The following SIGLEC12 variants were observed in gnomAD, a reference collection of about 807,000 sequenced individuals.
SIGLEC12 encodes the protein sialic acid binding Ig like lectin 12, also known as sialic acid-binding Ig-like lectin 12.
A neutral mutation model predicts 54.1 loss-of-function variants in SIGLEC12; 43 were observed. That is an observed-to-expected ratio of 0.80 (90% CI 0.62 to 1.03). SIGLEC12 has a LOEUF of 1.03. Among genes scored for constraint, SIGLEC12 ranks in the 50% least tolerant of loss-of-function variants. The pLI, the probability that SIGLEC12 is intolerant of heterozygous loss-of-function variation, is 0.00. For missense variants in SIGLEC12, 802 were observed against 735.2 expected (o/e 1.09, Z -1.05); for synonymous variants, 357 against 307.6 (o/e 1.16, Z -1.68).
chr19:51,494,473 G>A (rs1264781617), intron 7 of SIGLEC12, among the ~76,000 whole-genome samples: 1 of 152,240 alleles, frequency 6.6e-6, no homozygotes, highest in Non-Finnish European at 1.5e-5. Flanking sequence ...AAGCGTTGGT[G>A]AGGATGTGGA....
At chr19:51,497,861 C>T (rs1006814617) in intron 5 of SIGLEC12, among the ~76,000 whole-genome samples, 157 bp downstream of exon 5, 1 of 152,218 alleles carries the variant, frequency 6.6e-6, no homozygotes, top group African/African-American at 2.4e-5. Flanking sequence ...AGCTCCTCCC[C>T]TCCAAGATTA....
chr19:51,497,072 G>A (rs1990261402), intron 6 of SIGLEC12, 96 bp from the exon 7 acceptor site: 2 of 1,592,962 alleles, frequency 1.3e-6, no homozygotes, highest in South Asian at 1.1e-5. Context: ...GGGAGCTGGA[G>A]GGGTAACTGA....
intron 2 of SIGLEC12, 74 bp downstream of exon 2, chr19:51,499,845 TG>T (rs1447780426): frequency 1.3e-6 from 2 of 1,548,850 alleles, no homozygotes; most frequent in South Asian, 1.2e-5. Flanking sequence ...CCTCCCAGGA[TG>T]GGGGTCCCAC....
intron 7 of SIGLEC12, among the ~76,000 whole-genome samples, chr19:51,493,580 T>C (rs1990159446): frequency 6.6e-6 from 1 of 152,152 alleles, no homozygotes; most frequent in Admixed American, 6.5e-5. Flanking sequence ...TTGCACAATC[T>C]TTTCTGCCTC....
rs1007944151 is a variant in SIGLEC12, at chr19:51,498,145, C to T, written c.1278G>A (p.Ser426=). The T allele has an allele frequency of 9.3e-6, 15 of 1,614,230 alleles. No homozygotes were observed. Among genetic ancestry groups the T allele is most frequent in the East Asian group, 2.2e-5 (1 of 44,896 alleles). The change falls in exon 5 of 8, where the codon TCG becomes TCA. Residue 426 remains serine, a synonymous_variant. Transcript: ENST00000291707. Reference sequence around the variant, plus strand: ...GAGGCAGCTCCAGCACCCCAAGGTTCGAGGACTGTGAGGGGCTCAGGGTCA... The same window carrying T: ...GAGGCAGCTCCAGCACCCCAAGGTTTGAGGACTGTGAGGGGCTCAGGGTCA... ...GSLTLSPSQS[S]NLGVLELPRV... is the part of the protein sequence containing the mutation.
At position 51,493,122 on chromosome 19, in the gene SIGLEC12, T is replaced by C. The variant is rs1298950675; in HGVS notation, c.1600-1293A>G. On this transcript the variant is annotated intron_variant, in intron 7 of 7. Transcript: ENST00000291707. ...ACACACCACATCTCAGCACTGCTGT[T>C]ATCAAGGTCACCATGACCACTGCTT... Among the ~76,000 whole-genome samples, 4 of 152,342 alleles carry C rather than the reference T, an allele frequency of 2.6e-5. No individual in the cohort carries two copies. The South Asian group carries it at 8.3e-4, about 32-fold the overall frequency.
At chr19:51,496,419 C>G (rs375064043) in intron 7 of SIGLEC12, among the ~76,000 whole-genome samples, 5 of 152,156 alleles carry the variant, frequency 3.3e-5, no homozygotes, top group Admixed American at 6.5e-5. Flanking sequence ...GAGCTGAGAT[C>G]GCACCATCGC....
At position 51,491,482 on chromosome 19, in the gene SIGLEC12, GTT is replaced by G; in HGVS notation, c.*157_*158del. ...GACCGATTGGATGGAGAAAGGGAGA[GTT>G]TGGTCATCAGGCACGCATTTTCAGT... On this transcript the variant is annotated 3_prime_UTR_variant, in exon 8 of 8. Coordinates refer to ENST00000291707, the MANE Select transcript of SIGLEC12 (RefSeq NM_053003.4). 1.5e-6 allele frequency: 1 copy of G among 687,396 alleles called. No homozygotes were observed. The highest frequency in any genetic ancestry group is 2.4e-6 in the Non-Finnish European group (1 of 408,494). 42.6% of individuals were successfully genotyped at this position (687,396 alleles called of 1,614,324 possible). A position where few individuals can be genotyped will look rare whatever the true frequency, so the allele number is the denominator to read the frequency against.
chr19:51,496,750 G>T, intron 7 of SIGLEC12, 130 bp downstream of exon 7: 1 of 969,204 alleles, frequency 1.0e-6, no homozygotes, highest in Non-Finnish European at 1.6e-6. Context: ...GTTCTTAGGA[G>T]GAAAAAGTGG....
chr19:51,491,964 T>C (rs1990115821), intron 7 of SIGLEC12, 135 bp from the exon 8 acceptor site: 1 of 598,748 alleles, frequency 1.7e-6, no homozygotes, highest in Non-Finnish European at 2.8e-6. Flanking sequence ...CTTTAATACG[T>C]TCCTCTAATG....
chr19:51,499,689 A>G lies in SIGLEC12; in HGVS notation c.836T>C (p.Ile279Thr), dbSNP rs750077699. 1 of 1,614,078 alleles carries G rather than the reference A, an allele frequency of 6.2e-7. No individual in the cohort carries two copies. Among genetic ancestry groups the G allele is most frequent in the Non-Finnish European group, 8.5e-7 (1 of 1,179,992 alleles). Residue 279 changes from isoleucine to threonine, a missense_variant, in exon 3 of 8, where the codon ATC becomes ACC. By Grantham distance (89) the Ile-to-Thr change is moderately conservative. Transcript: ENST00000291707. ...GTGGCCAGACTCCAGGGTCCCCGGG[A>G]TGGAGAAGGTGGGCATGTGAGTCAG... Reference protein sequence around the residue: ...TALTHMPTFSIPGTLESGHPR... With the variant: ...TALTHMPTFSTPGTLESGHPR...
At position 51,491,800 on chromosome 19, in the gene SIGLEC12, G is replaced by A; in HGVS notation, c.1629C>T (p.Asp543=). The change falls in exon 8 of 8, where the codon GAC becomes GAT. Residue 543 remains aspartate, a synonymous_variant. Coordinates refer to ENST00000291707, the MANE Select transcript of SIGLEC12 (RefSeq NM_053003.4). ...CTGGCGGAGCATGGTGTGGGGGGCT[G>A]TCATCTGCCGGGGATTCAATCAGGG... ...QGPLIESPAD[D]SPPHHAPPAL... 1 of 1,586,598 alleles carries A rather than the reference G, an allele frequency of 6.3e-7. No individual in the cohort carries two copies. Among genetic ancestry groups the A allele is most frequent in the Non-Finnish European group, 8.6e-7 (1 of 1,167,072 alleles).
intron 7 of SIGLEC12, among the ~76,000 whole-genome samples, chr19:51,494,259 A>G (rs1337402348): frequency 6.6e-6 from 1 of 151,516 alleles, no homozygotes; most frequent in Non-Finnish European, 1.5e-5. Flanking sequence ...AAAAATTCTT[A>G]GAACTCAACA....
intron 1 of SIGLEC12, 178 bp from the exon 2 acceptor site, chr19:51,500,478 C>T: frequency 9.3e-7 from 1 of 1,076,884 alleles, no homozygotes; most frequent in Non-Finnish European, 1.4e-6. Context: ...GAGCTGGAGA[C>T]CTCAGCCCTG....
intron 7 of SIGLEC12, among the ~76,000 whole-genome samples, chr19:51,494,360 C>T (rs1009232720): frequency 6.6e-6 from 1 of 152,154 alleles, no homozygotes; most frequent in Non-Finnish European, 1.5e-5. Flanking sequence ...CATATGAAAA[C>T]ATCACTAATT....
intron 7 of SIGLEC12, among the ~76,000 whole-genome samples, chr19:51,496,256 G>T (rs1480232288): frequency 6.6e-6 from 1 of 152,212 alleles, no homozygotes; most frequent in South Asian, 2.1e-4. Context: ...ATCACCTGAG[G>T]TTGGGAGTTT....
Position 51,500,477 on chromosome 19 carries a change from A to G in SIGLEC12, c.428-177T>C, listed in dbSNP as rs550883760. 15 of 1,107,368 alleles carry G rather than the reference A, an allele frequency of 1.4e-5. No individual in the cohort carries two copies. In the African/African-American group the frequency reaches 2.2e-4, roughly 16 times the overall value. 68.6% of individuals were successfully genotyped at this position (1,107,368 alleles called of 1,614,324 possible). On this transcript the variant is annotated intron_variant, in intron 1 of 7. Transcript: ENST00000291707. ...ACAGGGGGCTGGAGAGGAGCTGGAG[A>G]CCTCAGCCCTGCATGGAAGAGAAAC... is the stretch of plus-strand genomic sequence containing the variant.
rs1198530005 is a variant in SIGLEC12 at position 51,497,410 on chromosome 19, C to A, written c.1441G>T (p.Ala481Ser). The A allele has an allele frequency of 2.5e-6, 4 of 1,613,148 alleles. No homozygotes were observed. Among genetic ancestry groups the A allele is most frequent in the Admixed American group, 3.3e-5 (2 of 59,988 alleles). ...MRPISGVTLG[A>S]FGGAGATALV... ...GCTGTGGCTCCAGCTCCCCCGAATG[C>A]CCCTAGCGTCACTCCTGATATAGGC... The change falls in exon 6 of 8, where the codon GCA (alanine) becomes TCA (serine). Residue 481 changes from alanine (A) to serine (S), a missense_variant. Coordinates refer to ENST00000291707, the MANE Select transcript of SIGLEC12 (RefSeq NM_053003.4).
intron 7 of SIGLEC12, 121 bp downstream of exon 7, chr19:51,496,759 G>T: frequency 9.3e-7 from 1 of 1,071,896 alleles, no homozygotes. Flanking sequence ...AGGAAAAAGT[G>T]GACAGGACGT....
Sources: gnomAD v4.1 joint callset for allele counts (sites outside exome capture counted in the v4.1 genomes callset) on GRCh38, gnomAD v4.1.1 for gene constraint, MANE v1.5 for transcripts, NCBI Gene and HGNC (gene_info 2026-07-23, HGNC 2026-07-21) for gene names.